The following DNAAF4 variants were observed in gnomAD, a reference collection of about 807,000 sequenced individuals.
DNAAF4 encodes the protein dynein axonemal assembly factor 4.
In DNAAF4, 43 loss-of-function variants were observed where a neutral mutation model predicts 51.8. The observed-to-expected ratio is 0.83, with a 90% confidence interval of 0.65 to 1.07. DNAAF4 has a LOEUF of 1.07. DNAAF4 is among the 50% of genes least tolerant of loss of function. The pLI, the probability that DNAAF4 is intolerant of heterozygous loss-of-function variation, is 0.00. For missense variants in DNAAF4, 581 were observed against 493.0 expected (o/e 1.18, Z -1.69); for synonymous variants, 194 against 165.6 (o/e 1.17, Z -1.32).
At chr15:55,457,461 G>A (rs1173605815) in intron 5 of DNAAF4, among the ~76,000 whole-genome samples, 1 of 152,126 alleles carries the variant, frequency 6.6e-6, no homozygotes, top group Non-Finnish European at 1.5e-5. Flanking sequence ...ATGGGGCAAG[G>A]TTTTCTCTAC....
chr15:55,443,153 A>G lies in DNAAF4; in HGVS notation c.784-3572T>C. The G allele has an allele frequency of 1.9e-6, 3 of 1,610,716 alleles. No homozygotes were observed. In the Admixed American group the frequency reaches 5.0e-5, roughly 27 times the overall value. On this transcript the variant is annotated intron_variant, in intron 6 of 9. Transcript: ENST00000321149. ...AAACGTTTCCAGGAGCCGTCTTCAC[A>G]TTTCTTCATAAACTGGTCAAAGAGC...
At chr15:55,436,222 G>T (rs527530299) in intron 7 of DNAAF4, among the ~76,000 whole-genome samples, 2 of 151,938 alleles carry the variant, frequency 1.3e-5, no homozygotes, top group African/African-American at 4.8e-5. Context: ...TTTTTTTTCT[G>T]AGTAGCCATC....
downstream of DNAAF4, among the ~76,000 whole-genome samples, chr15:55,426,449 C>T (rs983530783): frequency 3.3e-5 from 5 of 152,166 alleles, no homozygotes; most frequent in African/African-American, 1.2e-4. Context: ...TTAGTTCAGC[C>T]TATGCACAGG....
chr15:55,472,749 A>T (rs2058272698), intron 4 of DNAAF4, among the ~76,000 whole-genome samples: 1 of 152,232 alleles, frequency 6.6e-6, no homozygotes, highest in African/African-American at 2.4e-5. Context: ...TTCCTACACT[A>T]AATTTTTGAA....
intron 4 of DNAAF4, among the ~76,000 whole-genome samples, chr15:55,480,290 T>C (rs568643383): frequency 3.3e-4 from 50 of 152,188 alleles, no homozygotes; most frequent in African/African-American, 1.0e-3. Flanking sequence ...CCAACACTTA[T>C]GGAAAACAGA....
At chr15:55,494,106 C>T (rs1382882291) in intron 3 of DNAAF4, among the ~76,000 whole-genome samples, 2 of 151,510 alleles carry the variant, frequency 1.3e-5, no homozygotes. Flanking sequence ...CTCGGCTCAC[C>T]GCAACCTCCG....
chr15:55,496,822 T>G (rs1247815902), intron 3 of DNAAF4, among the ~76,000 whole-genome samples: 1 of 152,080 alleles, frequency 6.6e-6, no homozygotes, highest in Non-Finnish European at 1.5e-5. Context: ...ATAGCGATCA[T>G]TTTGAGTTAA....
intron 5 of DNAAF4, among the ~76,000 whole-genome samples, chr15:55,460,332 A>C (rs2058077812): frequency 6.6e-6 from 1 of 151,954 alleles, no homozygotes; most frequent in Non-Finnish European, 1.5e-5. Flanking sequence ...GGTGCGTGCC[A>C]GCACGCCCGG....
At chr15:55,493,544 TAA>T in intron 3 of DNAAF4, among the ~76,000 whole-genome samples, 1 of 151,658 alleles carries the variant, frequency 6.6e-6, no homozygotes, top group Non-Finnish European at 1.5e-5. Context: ...CTAATAGAAA[TAA>T]AGAGTGTATC....
chr15:55,460,732 A>C (rs944083658), intron 5 of DNAAF4, among the ~76,000 whole-genome samples: 1 of 152,100 alleles, frequency 6.6e-6, no homozygotes, highest in African/African-American at 2.4e-5. Flanking sequence ...ATTCCAAGAT[A>C]AACCAAATGA....
At position 55,480,697 on chromosome 15, in the gene DNAAF4, T is replaced by G. The variant is rs548299762; in HGVS notation, c.405+10426A>C. Among the ~76,000 whole-genome samples the G allele has an allele frequency of 2.0e-5, 3 of 151,456 alleles. No individual in the cohort carries two copies. In the South Asian group the frequency reaches 6.4e-4, roughly 32 times the overall value. ...TAACTGCAGGCGTAGAAACAGGAAA[T>G]AGTGGGCTTCCAACTTCTCTATCCT... On this transcript the variant is annotated intron_variant, in intron 4 of 9. Transcript: ENST00000321149.
intron 8 of DNAAF4, among the ~76,000 whole-genome samples, chr15:55,433,855 TATA>T (rs1265721797): frequency 1.8e-4 from 11 of 62,218 alleles, no homozygotes; most frequent in East Asian, 3.6e-4. Context: ...TTATATATAT[TATA>T]ATATATATTA....
In DNAAF4 at chr15:55,498,344, G is replaced by T. The variant is rs781615543; in HGVS notation, c.-15C>A. 5.0e-6 allele frequency: 8 copies of T among 1,596,988 alleles called. No homozygotes were observed. Among genetic ancestry groups the T allele is most frequent in the Admixed American group, 3.4e-5 (2 of 58,280 alleles). On this transcript the variant is annotated 5_prime_UTR_variant, in exon 2 of 10. Transcript: ENST00000321149. ...TGAAGAGGCATTCCGGTAGCAACGG[G>T]AGCGGATAGCGCGGCTGGTTGCTTC... is the stretch of plus-strand genomic sequence containing the variant.
chr15:55,486,734 T>C (rs1027787111), intron 4 of DNAAF4, among the ~76,000 whole-genome samples: 2 of 151,846 alleles, frequency 1.3e-5, no homozygotes, highest in African/African-American at 4.8e-5. Context: ...TGAGCTGTAA[T>C]TGCGCCATTT....
intron 3 of DNAAF4, among the ~76,000 whole-genome samples, chr15:55,497,056 G>A (rs754208600): frequency 2.6e-5 from 4 of 152,070 alleles, no homozygotes; most frequent in Non-Finnish European, 4.4e-5. Flanking sequence ...ATTCTTCTAA[G>A]GATCCATTCA....
intron 7 of DNAAF4, among the ~76,000 whole-genome samples, chr15:55,437,155 C>A (rs1447915005): frequency 2.6e-5 from 4 of 152,204 alleles, no homozygotes; most frequent in Non-Finnish European, 4.4e-5. Flanking sequence ...GTACTTCCCA[C>A]ACAGTGTTTT....
intron 4 of DNAAF4, among the ~76,000 whole-genome samples, chr15:55,478,911 T>A (rs529842106): frequency 6.6e-6 from 1 of 152,118 alleles, no homozygotes; most frequent in African/African-American, 2.4e-5. Context: ...TTGAAATATC[T>A]TCAATGCAAC....
chr15:55,482,939 AC>A (rs2058432588), intron 4 of DNAAF4, among the ~76,000 whole-genome samples: 1 of 152,144 alleles, frequency 6.6e-6, no homozygotes, highest in Admixed American at 6.5e-5. Context: ...TCCCATAAAG[AC>A]TGATGGGCAT....
chr15:55,473,653 T>G (rs1458449293), intron 4 of DNAAF4, among the ~76,000 whole-genome samples: 1 of 152,000 alleles, frequency 6.6e-6, no homozygotes, highest in Non-Finnish European at 1.5e-5. Context: ...TAAAAATTTA[T>G]AAGCTGGATA....
Sources: allele counts gnomAD v4.1 joint callset (sites outside exome capture counted in the v4.1 genomes callset), GRCh38; gene constraint gnomAD v4.1.1; transcripts MANE v1.5; gene names NCBI Gene and HGNC (gene_info 2026-07-23, HGNC 2026-07-21).